The following ST18 variants were observed in gnomAD, a reference collection of about 807,000 sequenced individuals.
The protein encoded by ST18 is ST18 C2H2C-type zinc finger transcription factor, also known as suppression of tumorigenicity 18 protein.
In ST18, 50 loss-of-function variants were observed where a neutral mutation model predicts 110.0. The ratio of observed to expected loss-of-function variants is 0.45; its 90% CI spans 0.36 to 0.58. ST18 has a LOEUF of 0.58. ST18 is among the 20% of genes least tolerant of loss of function. ST18 has a pLI of 0.00. For missense variants in ST18, 1,306 were observed against 1,280.1 expected, an observed-to-expected ratio of 1.02 and a Z score of -0.31; for synonymous variants, 461 against 452.4, an observed-to-expected ratio of 1.02 and a Z score of -0.24.
At chr8:52,310,750 A>G (rs11783190) in intron 2 of ST18, among the ~76,000 whole-genome samples, 3,450 of 152,142 alleles carry the variant, frequency 0.023, 66 homozygotes, top group Non-Finnish European at 0.037. Context: ...TTAACCAGAG[A>G]GAGGCGGTTG....
At chr8:52,158,778 A>G in intron 15 of ST18, 120 bp downstream of exon 15, 3 of 1,130,834 alleles carry the variant, frequency 2.7e-6, no homozygotes, top group Non-Finnish European at 3.9e-6. Context: ...TGAGACAGGG[A>G]GGGGATCGCT....
chr8:52,154,048 T>C, intron 15 of ST18, among the ~76,000 whole-genome samples: 1 of 152,210 alleles, frequency 6.6e-6, no homozygotes, highest in Admixed American at 6.5e-5. Context: ...AAAAGAGACA[T>C]GTTCTTAGGT....
intron 23 of ST18, among the ~76,000 whole-genome samples, chr8:52,124,790 G>A (rs564242940): frequency 3.9e-5 from 6 of 152,186 alleles, no homozygotes; most frequent in African/African-American, 1.2e-4. Context: ...GAGGACCCAT[G>A]GAGGGAGAGA....
At chr8:52,141,965 T>C (rs2055286782) in intron 17 of ST18, among the ~76,000 whole-genome samples, 1 of 152,090 alleles carries the variant, frequency 6.6e-6, no homozygotes, top group Non-Finnish European at 1.5e-5. Flanking sequence ...CACATGAGTC[T>C]AGAAGGGCTA....
rs185930162 is a variant in ST18 at position 52,399,886 on chromosome 8, C to T, written c.-465+9442G>A. Reference sequence around the variant, plus strand: ...CTAGAAAAGAATGTTTATTCTGCTGCTATTAGATTGAAAGTTCCATATATG... The same window carrying T: ...CTAGAAAAGAATGTTTATTCTGCTGTTATTAGATTGAAAGTTCCATATATG... On this transcript the variant is annotated intron_variant, in intron 2 of 25. Coordinates refer to ENST00000689386, the MANE Select transcript of ST18 (RefSeq NM_001352837.2). 2.1e-3 allele frequency among the ~76,000 whole-genome samples: 321 copies of T among 152,078 alleles called. 3 individuals are homozygous for T. The highest frequency in any genetic ancestry group is 7.2e-3 in the African/African-American group (301 of 41,538).
rs759213511 is a variant in ST18 at position 52,171,972 on chromosome 8, C to T, written c.889G>A (p.Glu297Lys). The stretch of plus-strand genomic sequence containing the variant: ...AAACTTAAATTCCCCTTGGCCTTTT[C>T]CAGGTCACTACCCTCTTCCGTCATT... Reference protein sequence around the residue: ...AVMTEEGSDLEKAKGNLSLLE... With the variant: ...AVMTEEGSDLKKAKGNLSLLE... The change falls in exon 10 of 26, where the codon GAA (glutamate) becomes AAA (lysine). Residue 297 changes from glutamate (E) to lysine (K), a missense_variant. By Grantham distance (56) the Glu-to-Lys change is moderately conservative. Coordinates refer to ENST00000689386, the MANE Select transcript of ST18 (RefSeq NM_001352837.2). The T allele has an allele frequency of 1.9e-6, 3 of 1,614,186 alleles. No individual in the cohort carries two copies. Among genetic ancestry groups the T allele is most frequent in the South Asian group, 1.1e-5 (1 of 91,082 alleles).
intron 16 of ST18, among the ~76,000 whole-genome samples, chr8:52,146,878 C>T (rs1202115293): frequency 6.6e-6 from 1 of 152,186 alleles, no homozygotes; most frequent in East Asian, 1.9e-4. Flanking sequence ...TGTGTCTCCA[C>T]CAGCCTCAGC....
chr8:52,328,647 C>T (rs1339348472), intron 2 of ST18, among the ~76,000 whole-genome samples: 4 of 152,172 alleles, frequency 2.6e-5, no homozygotes, highest in South Asian at 2.1e-4. Context: ...ACTGAGATCT[C>T]CAGCCTACCA....
intron 2 of ST18, among the ~76,000 whole-genome samples, chr8:52,252,028 A>G (rs1273975417): frequency 6.6e-6 from 1 of 151,998 alleles, no homozygotes; most frequent in Non-Finnish European, 1.5e-5. Flanking sequence ...TATTTTTTTG[A>G]TATGTTTGTT....
chr8:52,313,714 CAT>C (rs1294103781), intron 2 of ST18, among the ~76,000 whole-genome samples: 2 of 152,132 alleles, frequency 1.3e-5, no homozygotes, highest in Admixed American at 6.5e-5. Flanking sequence ...GCTTGGGTCA[CAT>C]CATTGGGTAA....
chr8:52,356,545 T>C (rs1822832696), intron 2 of ST18, among the ~76,000 whole-genome samples: 1 of 152,170 alleles, frequency 6.6e-6, no homozygotes, highest in Non-Finnish European at 1.5e-5. Flanking sequence ...ATTCAAAATG[T>C]CTAGTTTTCA....
intron 2 of ST18, among the ~76,000 whole-genome samples, chr8:52,339,565 A>G (rs1336320671): frequency 6.6e-6 from 1 of 152,230 alleles, no homozygotes; most frequent in Non-Finnish European, 1.5e-5. Flanking sequence ...AGGAGCCCCC[A>G]GCTCCACAGA....
chr8:52,362,736 CTT>C (rs1421368090), intron 2 of ST18, among the ~76,000 whole-genome samples: 1 of 152,132 alleles, frequency 6.6e-6, no homozygotes, highest in Non-Finnish European at 1.5e-5. Context: ...GTTATTCAAA[CTT>C]AAGTATTTGG....
At chr8:52,263,915 C>G (rs1477047696) in intron 2 of ST18, among the ~76,000 whole-genome samples, 2 of 151,434 alleles carry the variant, frequency 1.3e-5, no homozygotes. Context: ...TCTCCTGCCT[C>G]AGCCTCCTGA....
At chr8:52,135,433 T>C (rs1213743782) in intron 19 of ST18, among the ~76,000 whole-genome samples, 1 of 151,746 alleles carries the variant, frequency 6.6e-6, no homozygotes, top group Non-Finnish European at 1.5e-5. Flanking sequence ...TGGTTGTGCA[T>C]GCCTGTAATC....
At chr8:52,283,049 G>A (rs1353507914) in intron 2 of ST18, among the ~76,000 whole-genome samples, 1 of 152,192 alleles carries the variant, frequency 6.6e-6, no homozygotes, top group Non-Finnish European at 1.5e-5. Context: ...GATCAAGGTT[G>A]GATCAGGGCA....
intron 2 of ST18, among the ~76,000 whole-genome samples, chr8:52,284,254 C>G (rs2095432965): frequency 6.6e-6 from 1 of 152,124 alleles, no homozygotes; most frequent in Non-Finnish European, 1.5e-5. Context: ...TGAGGGAAGG[C>G]AGTGTGCTCA....
At chr8:52,165,317 A>C (rs2133381140) in intron 11 of ST18, 92 bp from the exon 12 acceptor site, 2 of 1,250,998 alleles carry the variant, frequency 1.6e-6, no homozygotes. Flanking sequence ...CATTTAAATG[A>C]CTTCAGTTCC....
intron 23 of ST18, among the ~76,000 whole-genome samples, chr8:52,125,440 C>T (rs1467900480): frequency 2.6e-5 from 4 of 152,044 alleles, no homozygotes; most frequent in South Asian, 2.1e-4. Context: ...AACACACACA[C>T]GTGAGAGAGA....
Sources: allele counts gnomAD v4.1 joint callset (sites outside exome capture counted in the v4.1 genomes callset), GRCh38; gene constraint gnomAD v4.1.1; transcripts MANE v1.5; gene names NCBI Gene and HGNC (gene_info 2026-07-23, HGNC 2026-07-21).